Variants in TANC1 observed in about 807,000 individuals in gnomAD.
TANC1 encodes the protein tetratricopeptide repeat, ankyrin repeat and coiled-coil containing 1.
In TANC1, 77 loss-of-function variants were observed where a neutral mutation model predicts 149.7. That is an observed-to-expected ratio of 0.51 (90% CI 0.43 to 0.62). The LOEUF is 0.62. Ranked by LOEUF, TANC1 falls within the 20% of genes least tolerant of loss-of-function variation. TANC1 has a pLI of 0.00. For missense variants in TANC1, 1,985 were observed against 2,321.8 expected (o/e 0.85, Z 2.98); for synonymous variants, 854 against 925.0 (o/e 0.92, Z 1.39).
In TANC1 at chr2:159,160,336, A is replaced by ATT. The variant is rs566580174; in HGVS notation, c.683-2936_683-2935dup. The stretch of plus-strand genomic sequence containing the variant: ...AAATGTCAAATAGCACTTTTTAGAG[A>ATT]TTTTTTTTTTTTAAGTCATCACAGT... On this transcript the variant is annotated intron_variant, in intron 7 of 26. Coordinates refer to ENST00000263635, the MANE Select transcript of TANC1 (RefSeq NM_033394.3). 2.7e-5 allele frequency among the ~76,000 whole-genome samples: 4 copies of ATT among 147,994 alleles called. No individual in the cohort carries two copies. In the South Asian group the frequency reaches 6.5e-4, roughly 24 times the overall value.
intron 7 of TANC1, among the ~76,000 whole-genome samples, chr2:159,154,750 T>A (rs774045083): frequency 6.6e-6 from 1 of 152,226 alleles, no homozygotes; most frequent in Non-Finnish European, 1.5e-5. Flanking sequence ...TTAAGTGAAC[T>A]TCTTTACTCT....
Position 159,178,738 on chromosome 2 carries a change from C to G in TANC1, c.2085C>G (p.His695Gln). The part of the protein sequence containing the change: ...DATLIGKVSS[H>Q]LVLRSLGSYL... ...CACTCATTGGAAAAGTGAGCAGCCA[C>G]CTGGTGCTGCGGAGCCTCGGCTCCT... Residue 695 changes from histidine (H) to glutamine (Q), a missense_variant, in exon 14 of 27, where the codon CAC becomes CAG. His to Gln is a conservative substitution (Grantham distance 24). This residue lies in a region of TANC1 where 508 missense variants were observed against 714.2 expected (regional missense o/e 0.71). Coordinates refer to ENST00000263635, the MANE Select transcript of TANC1 (RefSeq NM_033394.3). The G allele has an allele frequency of 6.2e-7, 1 of 1,614,166 alleles. No individual in the cohort carries two copies.
Position 159,193,065 on chromosome 2 carries a change from C to T in TANC1, c.2743-1192C>T, listed in dbSNP as rs189550427. 9.2e-5 allele frequency among the ~76,000 whole-genome samples: 14 copies of T among 152,298 alleles called. No homozygotes were observed. The East Asian group carries it at 2.1e-3, about 23-fold the overall frequency. Reference sequence around the variant, plus strand: ...TGTTAACAATATTCACATTGTTGTGCGATAGATGTCCAGTACTTTTCATGT... The same window carrying T: ...TGTTAACAATATTCACATTGTTGTGTGATAGATGTCCAGTACTTTTCATGT... On this transcript the variant is annotated intron_variant, in intron 16 of 26. Coordinates refer to ENST00000263635, the MANE Select transcript of TANC1 (RefSeq NM_033394.3).
intron 1 of TANC1, among the ~76,000 whole-genome samples, chr2:159,000,461 C>T (rs1425361573): frequency 6.6e-6 from 1 of 151,948 alleles, no homozygotes; most frequent in African/African-American, 2.4e-5. Flanking sequence ...TTAGAATATT[C>T]AGGGTCTTTT....
At chr2:159,036,782 C>T (rs1300144294) in intron 2 of TANC1, among the ~76,000 whole-genome samples, 1 of 152,114 alleles carries the variant, frequency 6.6e-6, no homozygotes, top group African/African-American at 2.4e-5. Context: ...GGGTTGGTTC[C>T]AAGTCTTTAC....
rs1362923272 is a variant in TANC1, at chr2:159,218,948, G to A, written c.3379-290G>A. On this transcript the variant is annotated intron_variant, in intron 20 of 26. Transcript: ENST00000263635. ...CCCCTGTGGCTGTCTTGTCCTTGTA[G>A]ATAGTGATTGGCATCCCTCCTCCCC... 3.9e-5 allele frequency among the ~76,000 whole-genome samples: 6 copies of A among 152,290 alleles called. No individual in the cohort carries two copies. In the East Asian group the frequency reaches 1.2e-3, roughly 29 times the overall value.
chr2:159,230,874 G>T lies in TANC1; in HGVS notation c.5448G>T (p.Glu1816Asp). Reference sequence around the variant, plus strand: ...GCCAAATTCCAGTCCACTCTCAAGAGAACAGGATAACTAAGACTGTTTCTC... The same window carrying T: ...GCCAAATTCCAGTCCACTCTCAAGATAACAGGATAACTAAGACTGTTTCTC... ...SKCQIPVHSQ[E>D]NRITKTVSHL... Residue 1816 changes from glutamate to aspartate, a missense_variant, in exon 27 of 27, where the codon GAG becomes GAT. This residue lies in a region of TANC1 where 920 missense variants were observed against 994.7 expected (regional missense o/e 0.92). Transcript: ENST00000263635. The surrounding 1 kb of genome is among the most constrained non-coding windows in gnomAD (Gnocchi z 4.4). The T allele has an allele frequency of 6.2e-7, 1 of 1,614,178 alleles. No homozygotes were observed. Among genetic ancestry groups the T allele is most frequent in the Non-Finnish European group, 8.5e-7 (1 of 1,180,028 alleles).
In TANC1 at chr2:159,178,821, G is replaced by A; in HGVS notation, c.2168G>A (p.Ser723Asn). ...LFQRGHLVIKSASYKVVPVSL... is the reference protein window; with the variant it reads ...LFQRGHLVIKNASYKVVPVSL... ...CAGAGGGGCCACTTGGTCATTAAGA[G>A]TGCCAGCTACAAGGTGGTGCCCGTG... The change falls in exon 14 of 27, where the codon AGT becomes AAT. Residue 723 changes from serine (S) to asparagine (N), a missense_variant. By Grantham distance (46) the Ser-to-Asn change is conservative. This residue lies in a region of TANC1 where 508 missense variants were observed against 714.2 expected (regional missense o/e 0.71). Transcript: ENST00000263635. The A allele has an allele frequency of 6.2e-7, 1 of 1,614,220 alleles. No homozygotes were observed. The highest frequency in any genetic ancestry group is 8.5e-7 in the Non-Finnish European group (1 of 1,180,050).
In TANC1 at chr2:159,172,217, T is replaced by C. The variant is rs770539399; in HGVS notation, c.1448T>C (p.Ile483Thr). The change falls in exon 11 of 27, where the codon ATC (isoleucine) becomes ACC (threonine). Residue 483 changes from isoleucine to threonine, a missense_variant. Transcript: ENST00000263635. ...SSTAKTPLGS[I>T]SAENQRPRED... ...ACAGCTAAAACACCTCTTGGGTCTA[T>C]CAGTGCTGAAAACCAGAGACCAAGA... is the stretch of plus-strand genomic sequence containing the variant. The C allele has an allele frequency of 1.4e-5, 22 of 1,614,098 alleles. 1 individual carries two copies. In the South Asian group the frequency reaches 2.4e-4, roughly 18 times the overall value.
intron 13 of TANC1, among the ~76,000 whole-genome samples, chr2:159,178,039 C>T (rs1259130150): frequency 2.0e-5 from 3 of 152,212 alleles, no homozygotes; most frequent in Admixed American, 2.0e-4. Flanking sequence ...TGTTAAGATG[C>T]GCTGTCGTTG....
At chr2:159,149,404 A>G (rs553358525) in intron 6 of TANC1, 132 bp downstream of exon 6, 4 of 1,352,876 alleles carry the variant, frequency 3.0e-6, no homozygotes, top group South Asian at 2.5e-5. Flanking sequence ...GTGTATTGAA[A>G]TTTATTTCAA....
chr2:159,118,736 CT>C (rs1445685962), intron 4 of TANC1, among the ~76,000 whole-genome samples: 1 of 152,164 alleles, frequency 6.6e-6, no homozygotes, highest in African/African-American at 2.4e-5. Flanking sequence ...TCTAGCAGGG[CT>C]GTGCATCTGA....
intron 3 of TANC1, among the ~76,000 whole-genome samples, chr2:159,074,613 G>A (rs944370457): frequency 1.3e-5 from 2 of 152,030 alleles, no homozygotes; most frequent in Admixed American, 6.6e-5. Flanking sequence ...TGCTCTTCAC[G>A]CCCCACTAAG....
At position 159,097,649 on chromosome 2, in the gene TANC1, G is replaced by A; in HGVS notation, c.74G>A (p.Gly25Asp). Residue 25 changes from glycine (G) to aspartate (D), a missense_variant, in exon 4 of 27, where the codon GGT becomes GAT. This residue lies in a region of TANC1 where 557 missense variants were observed against 612.9 expected (regional missense o/e 0.91). Transcript: ENST00000263635. Reference protein sequence around the residue: ...GGKKEAGSDFGPETSPVLHLD... With the variant: ...GGKKEAGSDFDPETSPVLHLD... ...CTCTCTACTCTAGGAAGTGACTTTGGTCCAGAGACTTCTCCAGTCCTGCAC... is the reference window on the plus strand; with the variant it reads ...CTCTCTACTCTAGGAAGTGACTTTGATCCAGAGACTTCTCCAGTCCTGCAC... 1 of 1,613,820 alleles carries A rather than the reference G, an allele frequency of 6.2e-7. No homozygotes were observed. The highest frequency in any genetic ancestry group is 1.6e-4 in the Middle Eastern group (1 of 6,062).
At chr2:159,204,698 C>T (rs1333734076) in intron 19 of TANC1, among the ~76,000 whole-genome samples, 1 of 152,186 alleles carries the variant, frequency 6.6e-6, no homozygotes, top group African/African-American at 2.4e-5. Context: ...GATGCCCTAT[C>T]GGAGTTGGTT....
intron 19 of TANC1, among the ~76,000 whole-genome samples, chr2:159,208,100 A>G (rs1364225728): frequency 6.6e-6 from 1 of 152,148 alleles, no homozygotes; most frequent in African/African-American, 2.4e-5. Context: ...TCATCATGAC[A>G]CCTGGTTCAA....
intron 3 of TANC1, among the ~76,000 whole-genome samples, chr2:159,082,164 T>A (rs2044338170): frequency 6.6e-6 from 1 of 152,184 alleles, no homozygotes; most frequent in South Asian, 2.1e-4. Context: ...GGGGTCCTGT[T>A]TTCTGGTCGT....
intron 2 of TANC1, chr2:159,060,028 C>T: frequency 2.0e-6 from 1 of 496,240 alleles, no homozygotes; most frequent in Non-Finnish European, 2.6e-6. Context: ...CTGCTTCAGA[C>T]TCCCTGCTAC....
chr2:159,087,470 T>TG (rs1221009972), intron 3 of TANC1, among the ~76,000 whole-genome samples: 6 of 3,534 alleles, frequency 1.7e-3, no homozygotes, highest in Admixed American at 2.9e-3. Context: ...TTTTTCCGTT[T>TG]TTTTTTTTTT....
Sources: allele counts gnomAD v4.1 joint callset (sites outside exome capture counted in the v4.1 genomes callset), GRCh38; gene constraint gnomAD v4.1.1; regional missense constraint gnomAD v4.1.1; non-coding constraint Gnocchi (gnomAD v3.1); transcripts MANE v1.5; gene names NCBI Gene and HGNC (gene_info 2026-07-23, HGNC 2026-07-21).